The following GFPT1 variants were observed in gnomAD, a reference collection of about 807,000 sequenced individuals.
GFPT1 encodes the protein glutamine--fructose-6-phosphate transaminase 1, also known as glutamine--fructose-6-phosphate aminotransferase [isomerizing] 1.
GFPT1 carries 40 observed loss-of-function variants against 92.0 expected under a neutral mutation model. The ratio of observed to expected loss-of-function variants is 0.43; its 90% CI spans 0.34 to 0.57. GFPT1 has a LOEUF of 0.57. Ranked by LOEUF, GFPT1 falls within the 20% of genes least tolerant of loss-of-function variation. GFPT1 has a pLI of 0.02. For synonymous variants in GFPT1, 269 were observed against 280.6 expected (o/e 0.96, Z 0.41); for missense variants, 448 against 869.1 (o/e 0.52, Z 6.09).
chr2:69,365,806 T>G (rs1266297843), intron 3 of GFPT1, among the ~76,000 whole-genome samples: 1 of 152,080 alleles, frequency 6.6e-6, no homozygotes, highest in Non-Finnish European at 1.5e-5. Context: ...CATCTTTGAC[T>G]ACTTTTTTTA....
At chr2:69,380,392 A>G (rs1671980488) in intron 1 of GFPT1, among the ~76,000 whole-genome samples, 1 of 152,174 alleles carries the variant, frequency 6.6e-6, no homozygotes, top group South Asian at 2.1e-4. Flanking sequence ...ACATACAAAA[A>G]TAACATATGG....
chr2:69,327,596 AG>A (rs1670561413), intron 18 of GFPT1, among the ~76,000 whole-genome samples: 1 of 152,156 alleles, frequency 6.6e-6, no homozygotes. Context: ...CTCAGTCCCC[AG>A]AGTAGCTGGG....
chr2:69,327,770 T>TG (rs1289391829), intron 18 of GFPT1, among the ~76,000 whole-genome samples: 1 of 152,206 alleles, frequency 6.6e-6, no homozygotes, highest in Non-Finnish European at 1.5e-5. Context: ...GTCTTGGTTC[T>TG]GCCCAATATG....
chr2:69,352,240 G>C (rs1304318507), intron 9 of GFPT1, among the ~76,000 whole-genome samples: 1 of 152,046 alleles, frequency 6.6e-6, no homozygotes, highest in Non-Finnish European at 1.5e-5. Context: ...TCCAGCCTGG[G>C]TGACAGAGCA....
chr2:69,325,738 C>T lies in GFPT1; in HGVS notation c.*451G>A, dbSNP rs1431433914. ...AAATAAATCACATCTTCTCTTAAAACTTGGCAAACCCTTCCCTAACTGTCC... is the reference window on the plus strand; with the variant it reads ...AAATAAATCACATCTTCTCTTAAAATTTGGCAAACCCTTCCCTAACTGTCC... On this transcript the variant is annotated 3_prime_UTR_variant, in exon 20 of 20. Transcript: ENST00000357308. The T allele has an allele frequency of 6.5e-6, 1 of 152,784 alleles. No individual in the cohort carries two copies. Among genetic ancestry groups the T allele is most frequent in the Non-Finnish European group, 1.5e-5 (1 of 68,490 alleles). 9.5% of individuals were successfully genotyped at this position (152,784 alleles called of 1,614,324 possible). A position where few individuals can be genotyped will look rare whatever the true frequency, so the allele number is the denominator to read the frequency against.
chr2:69,332,299 CTTTCT>C (rs1044179092), intron 15 of GFPT1, among the ~76,000 whole-genome samples: 9 of 148,204 alleles, frequency 6.1e-5, no homozygotes, highest in East Asian at 3.9e-4. Flanking sequence ...TTTTTCTAGT[CTTTCT>C]TTTCTTTTCT....
intron 1 of GFPT1, 138 bp downstream of exon 1, chr2:69,386,927 A>T (rs1230480827): frequency 2.8e-6 from 2 of 708,842 alleles, no homozygotes; most frequent in Non-Finnish European, 4.9e-6. Flanking sequence ...CGCAGCCACC[A>T]CTGGGCGCCC....
chr2:69,322,834 C>T lies in GFPT1; in HGVS notation c.*3355G>A, dbSNP rs1420197549. 6.6e-6 allele frequency: 1 copy of T among 152,136 alleles called. No homozygotes were observed. The highest frequency in any genetic ancestry group is 1.5e-5 in the Non-Finnish European group (1 of 68,026). 9.4% of individuals were successfully genotyped at this position (152,136 alleles called of 1,614,324 possible). A position where few individuals can be genotyped will look rare whatever the true frequency, so the allele number is the denominator to read the frequency against. ...CACTTCTTATGAAACACAATATGCC[C>T]CCAAACATGGACCATTATTCAAGTA... On this transcript the variant is annotated 3_prime_UTR_variant, in exon 20 of 20. Transcript: ENST00000357308.
chr2:69,354,799 T>C (rs536740783), intron 7 of GFPT1, among the ~76,000 whole-genome samples: 3 of 152,214 alleles, frequency 2.0e-5, no homozygotes, highest in African/African-American at 7.2e-5. Context: ...GGCAGATCAC[T>C]TGAGCCCACG....
chr2:69,359,486 G>C (rs903756646), intron 4 of GFPT1, among the ~76,000 whole-genome samples, 160 bp from the exon 5 acceptor site: 2 of 152,102 alleles, frequency 1.3e-5, no homozygotes, highest in East Asian at 3.8e-4. Flanking sequence ...TCATTTACCA[G>C]ATTATCATCA....
intron 11 of GFPT1, among the ~76,000 whole-genome samples, chr2:69,347,903 T>C (rs1671122129): frequency 6.6e-6 from 1 of 152,234 alleles, no homozygotes; most frequent in African/African-American, 2.4e-5. Context: ...TAACTATTTT[T>C]ATGTTTATAA....
At position 69,345,763 on chromosome 2, in the gene GFPT1, T is replaced by C; in HGVS notation, c.1105+141A>G. 1.1e-5 allele frequency: 7 copies of C among 633,512 alleles called. No homozygotes were observed. The South Asian group carries it at 1.3e-4, about 12-fold the overall frequency. The allele number at this position is 633,512 out of a possible 1,614,324, so 39.2% of individuals were successfully genotyped here. ...TAGAATCACACACTAAAGAACTTTT[T>C]CCAAGATGGCTGGGCTCCACTGATG... On this transcript the variant is annotated intron_variant, in intron 12 of 19. Transcript: ENST00000357308.
chr2:69,329,647 T>TA, intron 16 of GFPT1, 37 bp downstream of exon 16: 1 of 1,364,090 alleles, frequency 7.3e-7, no homozygotes, highest in Non-Finnish European at 1.1e-6. Flanking sequence ...CCCACTCCCT[T>TA]AGACAACAAA....
rs1671069814 is a variant in GFPT1 at position 69,345,906 on chromosome 2, G to A, written c.1103C>T (p.Thr368Ile). The A allele has an allele frequency of 2.1e-6, 3 of 1,459,558 alleles. No individual in the cohort carries two copies. The highest frequency in any genetic ancestry group is 1.9e-6 in the Non-Finnish European group (2 of 1,039,476). 90.4% of individuals were successfully genotyped at this position (1,459,558 alleles called of 1,614,324 possible). The stretch of plus-strand genomic sequence containing the variant: ...TAAAATAATTCATATGTAATTACCA[G>A]TATAGTCATCAAAGTTGACTCTTCC... ...MRGRVNFDDY[T>I]VNLGGLKDHI... Residue 368 changes from threonine (T) to isoleucine (I), a missense_variant and splice_region_variant, in exon 12 of 20, where the codon ACT becomes ATT. Physicochemically the swap from Thr to Ile is moderately conservative, Grantham distance 89. Around this residue, in one of 7 missense-constraint regions of GFPT1, gnomAD observed 121 missense variants for 304.3 expected, o/e 0.40. Coordinates refer to ENST00000357308, the MANE Select transcript of GFPT1 (RefSeq NM_001244710.2).
In GFPT1 at chr2:69,324,247, G is replaced by A. The variant is rs1377694618; in HGVS notation, c.*1942C>T. 1 of 152,178 alleles carries A rather than the reference G, an allele frequency of 6.6e-6. No homozygotes were observed. Among genetic ancestry groups the A allele is most frequent in the African/African-American group, 2.4e-5 (1 of 41,438 alleles). 9.4% of individuals were successfully genotyped at this position (152,178 alleles called of 1,614,324 possible). On this transcript the variant is annotated 3_prime_UTR_variant, in exon 20 of 20. Coordinates refer to ENST00000357308, the MANE Select transcript of GFPT1 (RefSeq NM_001244710.2). ...TGTGCTTTATAGAAAGACACACACA[G>A]AGGGAGACAGAGATTATGCAGACTA...
chr2:69,353,061 G>A (rs964572560), intron 9 of GFPT1, among the ~76,000 whole-genome samples: 19 of 150,720 alleles, frequency 1.3e-4, no homozygotes, highest in African/African-American at 4.4e-4. Context: ...AAATAAATAA[G>A]GTAAAAAAAA....
chr2:69,356,421 T>G, intron 7 of GFPT1, 75 bp downstream of exon 7: 1 of 991,792 alleles, frequency 1.0e-6, no homozygotes, highest in East Asian at 2.4e-5. Context: ...TAAAGGGTCA[T>G]GTATAGTCTA....
At chr2:69,347,305 C>T (rs1671107370) in intron 11 of GFPT1, among the ~76,000 whole-genome samples, 1 of 151,864 alleles carries the variant, frequency 6.6e-6, no homozygotes, top group Non-Finnish European at 1.5e-5. Flanking sequence ...CCTACCTTGG[C>T]CTCCCTAAGT....
chr2:69,341,786 G>T (rs1670959103), intron 13 of GFPT1, among the ~76,000 whole-genome samples: 1 of 152,112 alleles, frequency 6.6e-6, no homozygotes, highest in Non-Finnish European at 1.5e-5. Flanking sequence ...CACACATGAT[G>T]CAGGCCATCT....
Sources: gnomAD v4.1 joint callset for allele counts (sites outside exome capture counted in the v4.1 genomes callset) on GRCh38, gnomAD v4.1.1 for gene constraint, gnomAD v4.1.1 regional missense constraint, MANE v1.5 for transcripts, NCBI Gene and HGNC (gene_info 2026-07-23, HGNC 2026-07-21) for gene names.